CDYL2: variants seen among roughly 807,000 people sequenced by gnomAD.
CDYL2 encodes chromodomain Y-like protein 2.
In CDYL2, 23 loss-of-function variants were observed where a neutral mutation model predicts 49.4. The ratio of observed to expected loss-of-function variants is 0.47; its 90% CI spans 0.34 to 0.66. The LOEUF is 0.66. Among genes scored for constraint, CDYL2 ranks in the 30% least tolerant of loss-of-function variants. The pLI, the probability that CDYL2 is intolerant of heterozygous loss-of-function variation, is 0.01. For missense variants in CDYL2, 678 were observed against 656.4 expected (o/e 1.03, Z -0.36); for synonymous variants, 360 against 268.8 (o/e 1.34, Z -3.32).
At chr16:80,793,901 ACAGTCTCGG>A (rs1907685355) in intron 1 of CDYL2, among the ~76,000 whole-genome samples, 1 of 152,188 alleles carries the variant, frequency 6.6e-6, no homozygotes, top group African/African-American at 2.4e-5. Flanking sequence ...CCTTCCCGTA[ACAGTCTCGG>A]CAGTCAATTT....
intron 6 of CDYL2, 38 bp downstream of exon 6, chr16:80,608,054 A>T (rs543503956): frequency 1.3e-6 from 2 of 1,530,134 alleles, no homozygotes; most frequent in East Asian, 2.5e-5. Flanking sequence ...AAATGGGTCT[A>T]TCAAAAGGAC....
At chr16:80,634,559 T>C (rs113413456) in intron 2 of CDYL2, among the ~76,000 whole-genome samples, 8,939 of 152,208 alleles carry the variant, frequency 0.059, 800 homozygotes, top group African/African-American at 0.2. Context: ...GAAGAGTTAA[T>C]GGGTACAGCA....
intron 1 of CDYL2, among the ~76,000 whole-genome samples, chr16:80,721,904 AG>A (rs1029136670): frequency 3.9e-5 from 6 of 152,178 alleles, no homozygotes; most frequent in African/African-American, 1.2e-4. Context: ...CTGCAAATTC[AG>A]GGACTGTATT....
intron 1 of CDYL2, among the ~76,000 whole-genome samples, chr16:80,693,274 A>T (rs7196811): frequency 0.62 from 94,359 of 151,966 alleles, 29,738 homozygotes; most frequent in Middle Eastern, 0.77. Context: ...TGTAATCATA[A>T]ATAAGTTATA....
chr16:80,691,021 G>C (rs1910393794), intron 1 of CDYL2, among the ~76,000 whole-genome samples: 1 of 151,958 alleles, frequency 6.6e-6, no homozygotes, highest in African/African-American at 2.4e-5. Context: ...GGGTTTACTA[G>C]TACATGTCTT....
intron 1 of CDYL2, among the ~76,000 whole-genome samples, chr16:80,735,814 C>A (rs1204960075): frequency 2.6e-5 from 4 of 152,240 alleles, no homozygotes; most frequent in Non-Finnish European, 4.4e-5. Flanking sequence ...AACCTGCAGT[C>A]AGGGAGCTGC....
chr16:80,666,290 C>T (rs1909259646), intron 2 of CDYL2, among the ~76,000 whole-genome samples: 1 of 152,172 alleles, frequency 6.6e-6, no homozygotes, highest in Middle Eastern at 3.2e-3. Context: ...AAGGTGAAAT[C>T]TTACAATACT....
chr16:80,726,793 C>A (rs1045056679), intron 1 of CDYL2, among the ~76,000 whole-genome samples: 1 of 151,130 alleles, frequency 6.6e-6, no homozygotes, highest in African/African-American at 2.4e-5. Context: ...AATCACAAAA[C>A]AAACAAACAA....
intron 1 of CDYL2, among the ~76,000 whole-genome samples, chr16:80,715,422 C>T (rs1364545310): frequency 1.3e-5 from 2 of 152,116 alleles, no homozygotes; most frequent in Non-Finnish European, 2.9e-5. Context: ...CCAGAGGGCC[C>T]TCATCCTTAC....
Position 80,612,910 on chromosome 16 carries a change from C to G in CDYL2, c.1008-74G>C. ...GCCCCACTGGAACCCTTGACTCTCCCAGGTGCTGTGAGGAGCACCCTCAGG... is the reference window on the plus strand; with the variant it reads ...GCCCCACTGGAACCCTTGACTCTCCGAGGTGCTGTGAGGAGCACCCTCAGG... On this transcript the variant is annotated intron_variant, in intron 4 of 6. Transcript: ENST00000570137. The surrounding 1 kb of genome is among the most constrained non-coding windows in gnomAD (Gnocchi z 5.0). 1 of 1,394,954 alleles carries G rather than the reference C, an allele frequency of 7.2e-7. No homozygotes were observed. The highest frequency in any genetic ancestry group is 1.4e-5 in the South Asian group (1 of 69,168). 86.4% of individuals were successfully genotyped at this position (1,394,954 alleles called of 1,614,324 possible). A position where few individuals can be genotyped will look rare whatever the true frequency, so the allele number is the denominator to read the frequency against.
intron 1 of CDYL2, among the ~76,000 whole-genome samples, chr16:80,696,110 C>A (rs563071558): frequency 6.6e-6 from 1 of 152,206 alleles, no homozygotes; most frequent in East Asian, 1.9e-4. Flanking sequence ...TGAAACTGTA[C>A]AAATAATCGA....
chr16:80,630,546 G>A (rs557084039), intron 3 of CDYL2, among the ~76,000 whole-genome samples: 1 of 152,284 alleles, frequency 6.6e-6, no homozygotes, highest in African/African-American at 2.4e-5. Context: ...ATAAACATAT[G>A]AAGAGCTGCT....
rs190115759 is a variant in CDYL2 at position 80,643,297 on chromosome 16, C to T, written c.617-10061G>A. Among the ~76,000 whole-genome samples the T allele has an allele frequency of 1.1e-4, 16 of 152,336 alleles. No homozygotes were observed. The East Asian group carries it at 3.1e-3, about 29-fold the overall frequency. On this transcript the variant is annotated intron_variant, in intron 2 of 6. Transcript: ENST00000570137. ...AAAGGTGAGTGCCCGTGGTCTTGGG[C>T]AGCTCCACCCCTGTGGCTTTGCAGG...
chr16:80,673,470 T>G (rs1909615690), intron 2 of CDYL2, among the ~76,000 whole-genome samples: 1 of 152,234 alleles, frequency 6.6e-6, no homozygotes, highest in Non-Finnish European at 1.5e-5. Flanking sequence ...CTACTTGATG[T>G]GGCTTTTGCT....
At chr16:80,759,162 A>G (rs61263399) in intron 1 of CDYL2, among the ~76,000 whole-genome samples, 3 of 118,518 alleles carry the variant, frequency 2.5e-5, no homozygotes, top group Admixed American at 8.5e-5. Flanking sequence ...TATATGGTTT[A>G]TATATATATA....
intron 1 of CDYL2, among the ~76,000 whole-genome samples, chr16:80,737,110 G>A (rs749885924): frequency 1.3e-5 from 2 of 152,156 alleles, no homozygotes; most frequent in Non-Finnish European, 2.9e-5. Context: ...CAGCCTGTAG[G>A]AAAACTGAGG....
At chr16:80,606,608 T>C (rs902283456) in intron 6 of CDYL2, among the ~76,000 whole-genome samples, 7 of 152,196 alleles carry the variant, frequency 4.6e-5, no homozygotes, top group African/African-American at 1.7e-4. Context: ...TCCATGAAGC[T>C]AACCCCAGGG....
intron 1 of CDYL2, among the ~76,000 whole-genome samples, chr16:80,743,921 G>A (rs770907087): frequency 6.6e-6 from 1 of 152,096 alleles, no homozygotes; most frequent in African/African-American, 2.4e-5. Flanking sequence ...TAGTGGTTGC[G>A]GTGGTGGTGG....
intron 1 of CDYL2, chr16:80,735,181 C>G (rs1167469048): frequency 1.3e-5 from 2 of 152,166 alleles, no homozygotes; most frequent in African/African-American, 4.8e-5. Flanking sequence ...ATTAGATAAA[C>G]AAAGTGAGAT....
Sources: allele counts gnomAD v4.1 joint callset (sites outside exome capture counted in the v4.1 genomes callset), GRCh38; gene constraint gnomAD v4.1.1; non-coding constraint Gnocchi (gnomAD v3.1); transcripts MANE v1.5; gene names NCBI Gene and HGNC (gene_info 2026-07-23, HGNC 2026-07-21).